Variants in LRP1B observed in about 807,000 individuals in gnomAD.
LRP1B encodes the protein low-density lipoprotein receptor-related protein 1B.
In LRP1B, 217 loss-of-function variants were observed where a neutral mutation model predicts 556.6. The observed-to-expected ratio is 0.39, with a 90% CI of 0.35 to 0.44. The LOEUF (loss-of-function observed/expected upper bound fraction) is 0.44. Among genes scored for constraint, LRP1B ranks in the 20% least tolerant of loss-of-function variants. LRP1B has a pLI of 1.00. For missense variants in LRP1B, 5,053 were observed against 5,620.8 expected (o/e 0.90, Z 3.23); for synonymous variants, 2,047 against 1,865.8 (o/e 1.10, Z -2.50).
At chr2:141,782,269 T>G (rs1315095467) in intron 2 of LRP1B, among the ~76,000 whole-genome samples, 2 of 152,062 alleles carry the variant, frequency 1.3e-5, no homozygotes, top group Non-Finnish European at 1.5e-5. Flanking sequence ...TCTTCAAATT[T>G]TCTAGAGGAT....
intron 3 of LRP1B, among the ~76,000 whole-genome samples, chr2:141,274,646 A>G (rs1189907121): frequency 1.3e-5 from 2 of 152,210 alleles, no homozygotes; most frequent in Non-Finnish European, 2.9e-5. Context: ...TTGCACAACT[A>G]TAAATATATT....
At chr2:140,973,797 GTA>G (rs1696509545) in intron 18 of LRP1B, among the ~76,000 whole-genome samples, 1 of 152,006 alleles carries the variant, frequency 6.6e-6, no homozygotes, top group Non-Finnish European at 1.5e-5. Flanking sequence ...ACCATTTTAA[GTA>G]TAGAGTTCAG....
chr2:141,252,584 A>G (rs1449710925), intron 4 of LRP1B, among the ~76,000 whole-genome samples: 1 of 151,962 alleles, frequency 6.6e-6, no homozygotes, highest in Non-Finnish European at 1.5e-5. Context: ...ATTCTTATCT[A>G]TTTTCACAGA....
intron 51 of LRP1B, 98 bp from the exon 52 acceptor site, chr2:140,510,154 T>C: frequency 7.3e-7 from 1 of 1,361,788 alleles, no homozygotes; most frequent in Non-Finnish European, 1.0e-6. Context: ...AGCAGAAGAA[T>C]GTTGCTTATA....
At chr2:141,687,832 A>G (rs1295569995) in intron 2 of LRP1B, among the ~76,000 whole-genome samples, 1 of 151,912 alleles carries the variant, frequency 6.6e-6, no homozygotes, top group Admixed American at 6.6e-5. Context: ...CTGACCTGGC[A>G]TATTTATAGT....
At chr2:141,256,302 T>G (rs1036951834) in intron 3 of LRP1B, among the ~76,000 whole-genome samples, 2 of 151,326 alleles carry the variant, frequency 1.3e-5, no homozygotes, top group African/African-American at 4.9e-5. Context: ...TAGAAAGACC[T>G]GAAAGCATGC....
chr2:141,850,474 A>T (rs565239314), intron 1 of LRP1B, among the ~76,000 whole-genome samples: 32 of 151,646 alleles, frequency 2.1e-4, no homozygotes, highest in African/African-American at 7.5e-4. Context: ...TTAACTAAAA[A>T]TGGTCATTTT....
At chr2:140,967,470 T>C (rs1696265940) in intron 18 of LRP1B, among the ~76,000 whole-genome samples, 1 of 152,188 alleles carries the variant, frequency 6.6e-6, no homozygotes. Flanking sequence ...AAATATACAA[T>C]CATGTCATCT....
chr2:140,882,652 TTC>T (rs1356983931), intron 25 of LRP1B, among the ~76,000 whole-genome samples: 4 of 152,204 alleles, frequency 2.6e-5, no homozygotes, highest in Non-Finnish European at 5.9e-5. Flanking sequence ...CCCCTTTCAT[TTC>T]TGAGTCAAAA....
At chr2:140,247,579 A>G (rs1681221888) in intron 86 of LRP1B, among the ~76,000 whole-genome samples, 1 of 151,546 alleles carries the variant, frequency 6.6e-6, no homozygotes, top group South Asian at 2.1e-4. Flanking sequence ...TCCAGAGTGG[A>G]ACTAACTACC....
At chr2:141,941,448 A>C (rs918229830) in intron 1 of LRP1B, among the ~76,000 whole-genome samples, 3 of 152,238 alleles carry the variant, frequency 2.0e-5, no homozygotes, top group Non-Finnish European at 4.4e-5. Context: ...CTTACAGCAG[A>C]GCCTCCTGCT....
intron 27 of LRP1B, among the ~76,000 whole-genome samples, chr2:140,854,453 T>C (rs1320747244): frequency 6.6e-6 from 1 of 152,184 alleles, no homozygotes; most frequent in Non-Finnish European, 1.5e-5. Flanking sequence ...CCACAAAGAA[T>C]TCTTACTTTT....
At chr2:140,531,510 G>A (rs1690691116) in intron 47 of LRP1B, among the ~76,000 whole-genome samples, 1 of 152,134 alleles carries the variant, frequency 6.6e-6, no homozygotes, top group Non-Finnish European at 1.5e-5. Context: ...TTTCCCCAAA[G>A]TCACACTGTC....
intron 1 of LRP1B, among the ~76,000 whole-genome samples, chr2:142,098,107 G>C (rs1706440404): frequency 6.6e-6 from 1 of 151,722 alleles, no homozygotes; most frequent in African/African-American, 2.4e-5. Flanking sequence ...TGAAGAGTGT[G>C]TGGTTATTTT....
intron 54 of LRP1B, 113 bp from the exon 55 acceptor site, chr2:140,501,987 A>G: frequency 1.4e-6 from 1 of 720,692 alleles, no homozygotes; most frequent in South Asian, 2.7e-5. Context: ...TCATAATATA[A>G]GTTTATATAA....
chr2:140,570,308 C>A (rs182126361), intron 43 of LRP1B, among the ~76,000 whole-genome samples: 148 of 149,506 alleles, frequency 9.9e-4, no homozygotes, highest in African/African-American at 3.0e-3. Context: ...GAAAAAAAAA[C>A]AAAAGACCCC....
chr2:142,056,854 AT>A (rs1704692758), intron 1 of LRP1B, among the ~76,000 whole-genome samples: 1 of 151,960 alleles, frequency 6.6e-6, no homozygotes, highest in African/African-American at 2.4e-5. Flanking sequence ...AACTATGATA[AT>A]TTCAGCCCAG....
At chr2:142,037,072 T>C (rs1361342148) in intron 1 of LRP1B, among the ~76,000 whole-genome samples, 1 of 151,670 alleles carries the variant, frequency 6.6e-6, no homozygotes, top group Non-Finnish European at 1.5e-5. Flanking sequence ...CTGATGGGCA[T>C]CAGACCTTTT....
intron 65 of LRP1B, among the ~76,000 whole-genome samples, chr2:140,443,526 T>C (rs921779167): frequency 6.6e-6 from 1 of 152,204 alleles, no homozygotes; most frequent in Non-Finnish European, 1.5e-5. Flanking sequence ...TGACTGCACA[T>C]TATTTACTGA....
Sources: allele counts gnomAD v4.1 joint callset (sites outside exome capture counted in the v4.1 genomes callset), GRCh38; gene constraint gnomAD v4.1.1; transcripts MANE v1.5; gene names NCBI Gene and HGNC (gene_info 2026-07-23, HGNC 2026-07-21).